Variants in TMPRSS15 observed in about 807,000 individuals in gnomAD.
The protein encoded by TMPRSS15 is transmembrane serine protease 15.
In TMPRSS15, 128 loss-of-function variants were observed where a neutral mutation model predicts 125.3. The observed-to-expected ratio is 1.02, with a 90% CI of 0.89 to 1.18. TMPRSS15 has a LOEUF of 1.18. Among genes scored for constraint, TMPRSS15 ranks in the 50% most tolerant of loss-of-function variants. TMPRSS15 has a pLI of 0.00. For missense variants in TMPRSS15, 1,283 were observed against 1,212.7 expected (o/e 1.06, Z -0.86); for synonymous variants, 446 against 423.2 (o/e 1.05, Z -0.66).
chr21:18,320,739 A>C (rs141910146), intron 16 of TMPRSS15, among the ~76,000 whole-genome samples: 1,684 of 152,308 alleles, frequency 0.011, 35 homozygotes, highest in African/African-American at 0.039. Context: ...AAGTATAAAT[A>C]AGCTCTTTCA....
At chr21:18,408,744 A>C (rs994062226), upstream of TMPRSS15, among the ~76,000 whole-genome samples, 16 of 152,102 alleles carry the variant, frequency 1.1e-4, no homozygotes, top group African/African-American at 3.9e-4. Flanking sequence ...GTGGACCTTT[A>C]AATATTATTA....
chr21:18,475,789 C>T (rs1258070243), intron 1 of TMPRSS15, among the ~76,000 whole-genome samples: 1 of 152,146 alleles, frequency 6.6e-6, no homozygotes, highest in African/African-American at 2.4e-5. Context: ...TAAGACAAAG[C>T]CCACATAGTA....
At chr21:18,411,509 G>A (rs1316400954) in intron 1 of TMPRSS15, among the ~76,000 whole-genome samples, 6 of 151,718 alleles carry the variant, frequency 4.0e-5, no homozygotes, top group Non-Finnish European at 7.4e-5. Flanking sequence ...CCTGAGATTT[G>A]TTTCAGATAT....
intron 8 of TMPRSS15, among the ~76,000 whole-genome samples, chr21:18,359,345 C>A (rs73893080): frequency 2.4e-4 from 37 of 152,004 alleles, no homozygotes; most frequent in African/African-American, 8.4e-4. Context: ...TGCAGGAGAC[C>A]GAGGAGCAGG....
At chr21:18,470,601 G>A (rs61585319) in intron 1 of TMPRSS15, among the ~76,000 whole-genome samples, 4,336 of 152,146 alleles carry the variant, frequency 0.028, 218 homozygotes, top group African/African-American at 0.099. Context: ...GTCAAGGTCT[G>A]CCCAGAGATT....
chr21:18,466,012 T>C (rs868283570), intron 1 of TMPRSS15, among the ~76,000 whole-genome samples: 3 of 152,134 alleles, frequency 2.0e-5, no homozygotes, highest in Middle Eastern at 3.2e-3. Flanking sequence ...CTTCAAACTA[T>C]ACTACAAGGC....
At chr21:18,280,525 A>C (rs1367118084) in intron 22 of TMPRSS15, among the ~76,000 whole-genome samples, 2 of 149,266 alleles carry the variant, frequency 1.3e-5, no homozygotes, top group Non-Finnish European at 3.0e-5. Context: ...GCAGCGAGCC[A>C]AGACTGTGCC....
intron 3 of TMPRSS15, among the ~76,000 whole-genome samples, chr21:18,385,849 T>A (rs2075939283): frequency 6.6e-6 from 1 of 152,066 alleles, no homozygotes; most frequent in Admixed American, 6.6e-5. Context: ...GTTCAAGCAA[T>A]TCTCCTGCCT....
In TMPRSS15 at chr21:18,403,481, G is replaced by A. The variant is rs1481119745; in HGVS notation, c.142C>T (p.Arg48Ter). The change falls in exon 1 of 25, where the codon CGA (arginine) becomes TGA (stop). Residue 48 changes from arginine to a stop codon, truncating the protein, a stop_gained. Transcript: ENST00000284885. LOFTEE classifies it high-confidence loss of function. ...GAGCCAACTCCATGTGACTTACCTCGTTGGGATTCCTTGATTGTCAGGCAG... is the reference window on the plus strand; with the variant it reads ...GAGCCAACTCCATGTGACTTACCTCATTGGGATTCCTTGATTGTCAGGCAG... ...VSCLTIKESQRGAALGQSHEA... is the reference protein window; with the variant it reads ...VSCLTIKESQ The A allele has an allele frequency of 6.8e-6, 11 of 1,614,010 alleles. No homozygotes were observed. The highest frequency in any genetic ancestry group is 2.7e-5 in the African/African-American group (2 of 74,918).
chr21:18,388,140 A>T (rs912589065), intron 3 of TMPRSS15, among the ~76,000 whole-genome samples: 3 of 152,110 alleles, frequency 2.0e-5, no homozygotes, highest in Admixed American at 2.0e-4. Context: ...ATTCCTTTGC[A>T]TTGCACTTTT....
chr21:18,382,676 T>C (rs2075903553), intron 4 of TMPRSS15, among the ~76,000 whole-genome samples: 1 of 151,786 alleles, frequency 6.6e-6, no homozygotes, highest in South Asian at 2.1e-4. Flanking sequence ...GTGTAGATAT[T>C]TATGTATTGG....
chr21:18,369,711 TTA>T, intron 6 of TMPRSS15, among the ~76,000 whole-genome samples: 1 of 152,028 alleles, frequency 6.6e-6, no homozygotes, highest in Non-Finnish European at 1.5e-5. Context: ...TAAATTAGTT[TTA>T]TAAATTTTTC....
At chr21:18,290,514 A>G (rs1015622111) in intron 21 of TMPRSS15, among the ~76,000 whole-genome samples, 1 of 151,124 alleles carries the variant, frequency 6.6e-6, no homozygotes, top group Non-Finnish European at 1.5e-5. Flanking sequence ...TTTTTTTTTC[A>G]AATAGAAGAA....
intron 1 of TMPRSS15, among the ~76,000 whole-genome samples, chr21:18,424,367 C>T (rs1032504507): frequency 6.6e-6 from 1 of 152,156 alleles, no homozygotes; most frequent in African/African-American, 2.4e-5. Context: ...CCCAGCCAAA[C>T]GTTGTGGAGA....
chr21:18,294,896 CCAG>C (rs2074884112), intron 19 of TMPRSS15, among the ~76,000 whole-genome samples: 1 of 152,038 alleles, frequency 6.6e-6, no homozygotes, highest in African/African-American at 2.4e-5. Flanking sequence ...TCCCTGAGAC[CCAG>C]TTTCTTCTTC....
At chr21:18,430,776 G>T (rs2076215171) in intron 1 of TMPRSS15, among the ~76,000 whole-genome samples, 1 of 152,110 alleles carries the variant, frequency 6.6e-6, no homozygotes, top group South Asian at 2.1e-4. Flanking sequence ...CACCAATGTA[G>T]CTCTGATATT....
intron 16 of TMPRSS15, among the ~76,000 whole-genome samples, chr21:18,315,829 A>G (rs1037788448): frequency 2.7e-5 from 4 of 147,146 alleles, no homozygotes; most frequent in Non-Finnish European, 5.9e-5. Flanking sequence ...TGTACCCTAG[A>G]ACTTAAAGTA....
chr21:18,440,156 C>T (rs562850000), intron 1 of TMPRSS15, among the ~76,000 whole-genome samples: 18 of 151,742 alleles, frequency 1.2e-4, no homozygotes, highest in Admixed American at 9.9e-4. Context: ...GGGCGGATCA[C>T]GAGGTCAGGA....
chr21:18,328,021 C>A (rs1314587439), intron 15 of TMPRSS15, among the ~76,000 whole-genome samples: 1 of 152,060 alleles, frequency 6.6e-6, no homozygotes, highest in African/African-American at 2.4e-5. Flanking sequence ...CCACTGCACT[C>A]CAGCCTGGGT....
Sources: allele counts gnomAD v4.1 joint callset (sites outside exome capture counted in the v4.1 genomes callset), GRCh38; gene constraint gnomAD v4.1.1; transcripts MANE v1.5; gene names NCBI Gene and HGNC (gene_info 2026-07-23, HGNC 2026-07-21).